The following PLA2R1 variants were observed in gnomAD, a reference collection of about 807,000 sequenced individuals.
PLA2R1 encodes the protein secretory phospholipase A2 receptor.
A neutral mutation model predicts 195.9 loss-of-function variants in PLA2R1; 158 were observed. The observed-to-expected ratio is 0.81, with a 90% confidence interval of 0.71 to 0.92. The LOEUF (loss-of-function observed/expected upper bound fraction) is 0.92, where lower values mean the gene tolerates loss of function less well. Among genes scored for constraint, PLA2R1 ranks in the 40% least tolerant of loss-of-function variants. The pLI, the probability that PLA2R1 is intolerant of heterozygous loss-of-function variation, is 0.00. For missense variants in PLA2R1, 1,626 were observed against 1,764.6 expected (o/e 0.92, Z 1.41); for synonymous variants, 586 against 598.2 (o/e 0.98, Z 0.30).
chr2:159,967,018 G>A (rs1312586447), intron 20 of PLA2R1, among the ~76,000 whole-genome samples: 1 of 152,072 alleles, frequency 6.6e-6, no homozygotes, highest in Non-Finnish European at 1.5e-5. Flanking sequence ...ACCAAGCTAA[G>A]TTATTAGTCC....
chr2:160,030,010 G>C (rs777320626), intron 4 of PLA2R1, among the ~76,000 whole-genome samples: 25 of 152,124 alleles, frequency 1.6e-4, no homozygotes, highest in Non-Finnish European at 3.5e-4. Context: ...GAAAACTCAT[G>C]GTTCATGCTG....
chr2:160,045,194 A>G (rs1694782852), intron 1 of PLA2R1, 37 bp from the exon 2 acceptor site: 1 of 1,500,300 alleles, frequency 6.7e-7, no homozygotes, highest in South Asian at 1.2e-5. Context: ...TGAAATTTTC[A>G]TATATAATTA....
At chr2:160,012,053 GA>G (rs1403796733) in intron 10 of PLA2R1, among the ~76,000 whole-genome samples, 1 of 152,098 alleles carries the variant, frequency 6.6e-6, no homozygotes, top group Admixed American at 6.5e-5. Context: ...GAGGAGGAAG[GA>G]CATACTGGCA....
At position 159,951,697 on chromosome 2, in the gene PLA2R1, AT is replaced by A. The variant is rs1687758909; in HGVS notation, c.3302-120del. On this transcript the variant is annotated intron_variant, in intron 23 of 29. Coordinates refer to ENST00000283243, the MANE Select transcript of PLA2R1 (RefSeq NM_007366.5). The stretch of plus-strand genomic sequence containing the variant: ...GTTGATCAGAGTGCTTTCTTCTGGA[AT>A]TGACTGTTTCAAAACAAGAACACTA... The A allele has an allele frequency of 6.1e-6, 4 of 658,052 alleles. No individual in the cohort carries two copies. In the Admixed American group the frequency reaches 9.6e-5, roughly 16 times the overall value. The allele number at this position is 658,052 out of a possible 1,614,324, so 40.8% of individuals were successfully genotyped here.
At chr2:160,058,624 T>C (rs55668590) in intron 1 of PLA2R1, among the ~76,000 whole-genome samples, 22,864 of 152,174 alleles carry the variant, frequency 0.15, 2,155 homozygotes, top group East Asian at 0.27. Context: ...CTCCATCCCC[T>C]TCTTCTTTCT....
At chr2:160,024,440 A>C (rs916183263) in intron 6 of PLA2R1, among the ~76,000 whole-genome samples, 1 of 151,998 alleles carries the variant, frequency 6.6e-6, no homozygotes, top group Non-Finnish European at 1.5e-5. Context: ...TTGGCCTCCC[A>C]GAGTAGTCAT....
intron 9 of PLA2R1, among the ~76,000 whole-genome samples, chr2:160,016,263 C>CAAAAAAAAAAAAAAAAAAAA (rs11396932): frequency 9.7e-6 from 1 of 103,148 alleles, no homozygotes; most frequent in Non-Finnish European, 1.9e-5. Flanking sequence ...GACTCTGTCT[C>CAAAAAAAAAAAAAAAAAAAA]AAAAAAAAAA....
intron 19 of PLA2R1, among the ~76,000 whole-genome samples, chr2:159,968,043 A>G (rs1270612297): frequency 6.6e-6 from 1 of 152,178 alleles, no homozygotes; most frequent in Non-Finnish European, 1.5e-5. Context: ...CAGAGAGGAA[A>G]AAGATTCTAA....
In PLA2R1 at chr2:160,022,671, C is replaced by T. The variant is rs1693218756; in HGVS notation, c.1288G>A (p.Gly430Arg). Residue 430 changes from glycine to arginine, a missense_variant, in exon 7 of 30, where the codon GGA becomes AGA. Physicochemically the swap from Gly to Arg is moderately radical, Grantham distance 125 (BLOSUM62 -2). Transcript: ENST00000283243. ...AAAGGCAGCTGGGACTCACCATCTC[C>T]AAGGAGGGTTACAAGAAACTCCACC... ...AEVEFLVTLL[G>R]DENASETWIG... 1 of 1,585,810 alleles carries T rather than the reference C, an allele frequency of 6.3e-7. No individual in the cohort carries two copies.
chr2:160,017,508 C>A (rs1011259361), intron 8 of PLA2R1, among the ~76,000 whole-genome samples: 1 of 152,138 alleles, frequency 6.6e-6, no homozygotes, highest in Non-Finnish European at 1.5e-5. Context: ...CCATGAAACA[C>A]CCTAGGTAAT....
At chr2:159,976,854 G>C (rs1689596203) in intron 15 of PLA2R1, 134 bp from the exon 16 acceptor site, 1 of 698,486 alleles carries the variant, frequency 1.4e-6, no homozygotes, top group South Asian at 1.7e-5. Flanking sequence ...ACATTGTGCT[G>C]TTTGGAATAT....
chr2:159,927,122 T>G (rs6749705), downstream of PLA2R1, among the ~76,000 whole-genome samples: 8,497 of 152,226 alleles, frequency 0.056, 765 homozygotes, highest in African/African-American at 0.19. Context: ...GGAATAGCCA[T>G]CATCCATACA....
Position 159,956,531 on chromosome 2 carries a change from T to C in PLA2R1, c.3001A>G (p.Ile1001Val), listed in dbSNP as rs1688096950. 1 of 1,609,624 alleles carries C rather than the reference T, an allele frequency of 6.2e-7. No individual in the cohort carries two copies. The highest frequency in any genetic ancestry group is 8.5e-7 in the Non-Finnish European group (1 of 1,175,850). ...CAEEGGTLVA[I>V]ESEVEQAFIT... ...CTACCTTGCTCCACCTCACTTTCAA[T>C]GGCGACCAGGGTCCCCCCTTCTTCA... Residue 1001 changes from isoleucine (I) to valine (V), a missense_variant, in exon 21 of 30, where the codon ATT (isoleucine) becomes GTT (valine). By Grantham distance (29) the Ile-to-Val change is conservative. Coordinates refer to ENST00000283243, the MANE Select transcript of PLA2R1 (RefSeq NM_007366.5).
chr2:160,059,574 T>G (rs911154633), intron 1 of PLA2R1, among the ~76,000 whole-genome samples: 1 of 152,204 alleles, frequency 6.6e-6, no homozygotes, highest in Admixed American at 6.5e-5. Context: ...ACTCAGATCG[T>G]CTAGCTCTGA....
Position 159,947,492 on chromosome 2 carries a change from A to G in PLA2R1, c.3777T>C (p.Ser1259=), listed in dbSNP as rs1197632646. ...ETSIPWIKFK[S]NCYSFSTVLD... is the part of the protein sequence containing the mutation. Reference sequence around the variant, plus strand: ...GGACTGTAGAAAAACTGTAGCAATTACTTTTAAATTTTATCCAGGGAATAG... The same window carrying G: ...GGACTGTAGAAAAACTGTAGCAATTGCTTTTAAATTTTATCCAGGGAATAG... The change falls in exon 26 of 30, where the codon AGT becomes AGC. Residue 1259 remains serine, a synonymous_variant. Transcript: ENST00000283243. 1.9e-6 allele frequency: 3 copies of G among 1,612,972 alleles called. No homozygotes were observed. In the African/African-American group the frequency reaches 4.0e-5, roughly 22 times the overall value.
At chr2:160,002,581 T>TA (rs1330777601) in intron 11 of PLA2R1, among the ~76,000 whole-genome samples, 1 of 152,018 alleles carries the variant, frequency 6.6e-6, no homozygotes, top group Non-Finnish European at 1.5e-5. Context: ...TTAGTTTGTG[T>TA]ACCTGCAACA....
chr2:160,061,723 C>A (rs568858127), intron 1 of PLA2R1, among the ~76,000 whole-genome samples: 89 of 152,144 alleles, frequency 5.8e-4, no homozygotes, highest in African/African-American at 2.0e-3. Context: ...TGCAGTGAGC[C>A]GAGATCCCGC....
At chr2:159,973,126 G>A (rs1455291670) in intron 17 of PLA2R1, among the ~76,000 whole-genome samples, 2 of 152,092 alleles carry the variant, frequency 1.3e-5, no homozygotes, top group African/African-American at 4.8e-5. Flanking sequence ...AGACAGAAGT[G>A]AGTGGAATCA....
At chr2:160,046,037 G>A (rs1183299775) in intron 1 of PLA2R1, among the ~76,000 whole-genome samples, 6 of 152,238 alleles carry the variant, frequency 3.9e-5, no homozygotes, top group African/African-American at 1.4e-4. Context: ...CTGCCAGCCT[G>A]CTACCTGACT....
Sources: allele counts gnomAD v4.1 joint callset (sites outside exome capture counted in the v4.1 genomes callset), GRCh38; gene constraint gnomAD v4.1.1; transcripts MANE v1.5; gene names NCBI Gene and HGNC (gene_info 2026-07-23, HGNC 2026-07-21).